The following GNG4 variants were observed in gnomAD, a reference collection of about 807,000 sequenced individuals.
The protein encoded by GNG4 is guanine nucleotide-binding protein G(I)/G(S)/G(O) subunit gamma-4.
GNG4 carries 4 observed loss-of-function variants against 5.8 expected under a neutral mutation model. The observed-to-expected ratio is 0.69, with a 90% confidence interval of 0.34 to 1.57. GNG4 has a LOEUF of 1.57. Ranked by LOEUF, GNG4 falls within the 40% of genes most tolerant of loss-of-function variation. The probability of loss-of-function intolerance (pLI) is 0.06; values close to 1 mark genes in which losing one functional copy is unlikely to be tolerated. For missense variants in GNG4, 96 were observed against 95.1 expected (o/e 1.01, Z -0.04); for synonymous variants, 29 against 32.9 (o/e 0.88, Z 0.41).
In GNG4 at chr1:235,552,131, T is replaced by A; in HGVS notation, c.206A>T (p.Lys69Met). The part of the protein sequence containing the change: ...PASENPFREK[K>M]FFCTIL Reference sequence around the variant, plus strand: ...GAGTTAGAGAATGGTACAAAAGAACTTCTTCTCGCGAAAGGGGTTTTCTGA... The same window carrying A: ...GAGTTAGAGAATGGTACAAAAGAACATCTTCTCGCGAAAGGGGTTTTCTGA... The change falls in exon 4 of 4, where the codon AAG becomes ATG. Residue 69 changes from lysine to methionine, a missense_variant. Transcript: ENST00000391854. The A allele has an allele frequency of 1.2e-6, 2 of 1,613,758 alleles. No individual in the cohort carries two copies. Among genetic ancestry groups the A allele is most frequent in the Non-Finnish European group, 1.7e-6 (2 of 1,179,704 alleles).
intron 1 of GNG4, among the ~76,000 whole-genome samples, chr1:235,643,029 A>G (rs925228314): frequency 6.6e-6 from 1 of 152,000 alleles, no homozygotes; most frequent in Non-Finnish European, 1.5e-5. Flanking sequence ...ACCCCGACTG[A>G]CGCTGGGGCC....
At chr1:235,607,672 A>G (rs1171524393) in intron 1 of GNG4, among the ~76,000 whole-genome samples, 1 of 150,562 alleles carries the variant, frequency 6.6e-6, no homozygotes, top group Non-Finnish European at 1.5e-5. Flanking sequence ...GCCCAGCCTG[A>G]CTCCCTTTCA....
At chr1:235,611,948 C>G (rs977203181) in intron 1 of GNG4, among the ~76,000 whole-genome samples, 6 of 151,342 alleles carry the variant, frequency 4.0e-5, no homozygotes, top group Non-Finnish European at 7.4e-5. Context: ...CTTGTAGTCC[C>G]AGATACTCAG....
intron 2 of GNG4, among the ~76,000 whole-genome samples, chr1:235,591,179 C>T (rs886914150): frequency 1.3e-5 from 2 of 152,204 alleles, no homozygotes; most frequent in African/African-American, 4.8e-5. Flanking sequence ...CAGCGCTCCT[C>T]AGCAGGAGTG....
At position 235,547,718 on chromosome 1, in the gene GNG4, T is replaced by C. The variant is rs1686617321; in HGVS notation, c.*4391A>G. The C allele has an allele frequency of 6.6e-6, 1 of 152,062 alleles. No individual in the cohort carries two copies. The highest frequency in any genetic ancestry group is 1.5e-5 in the Non-Finnish European group (1 of 68,016). The allele number at this position is 152,062 out of a possible 1,614,324, so 9.4% of individuals were successfully genotyped here. On this transcript the variant is annotated 3_prime_UTR_variant, in exon 4 of 4. Coordinates refer to ENST00000391854, the MANE Select transcript of GNG4 (RefSeq NM_001098722.2). ...CACAAAGCCCAACTTTTTATTGAAGTATAACATACACACAGAAAAGTGCCC... is the reference window on the plus strand; with the variant it reads ...CACAAAGCCCAACTTTTTATTGAAGCATAACATACACACAGAAAAGTGCCC...
Position 235,649,024 on chromosome 1 carries a change from C to T in GNG4, c.-123+638G>A, listed in dbSNP as rs779148650. Among the ~76,000 whole-genome samples, 1 of 152,166 alleles carries T rather than the reference C, an allele frequency of 6.6e-6. No homozygotes were observed. On this transcript the variant is annotated intron_variant, in intron 1 of 3. Coordinates refer to ENST00000391854, the MANE Select transcript of GNG4 (RefSeq NM_001098722.2). This position sits in a 1 kb window ranked among gnomAD's most constrained non-coding sequence, Gnocchi z 5.7. ...TAAAAAATCAAGCCAAACAAAGCTC[C>T]CCGGTTGCTGCCGGGCGCGCGCGGC...
intron 1 of GNG4, among the ~76,000 whole-genome samples, chr1:235,640,465 C>A (rs1249668396): frequency 6.6e-6 from 1 of 152,206 alleles, no homozygotes; most frequent in Non-Finnish European, 1.5e-5. Flanking sequence ...GTTTGAGAAC[C>A]ACTGCTGCAT....
At chr1:235,601,198 G>A (rs1688250831) in intron 1 of GNG4, among the ~76,000 whole-genome samples, 1 of 152,188 alleles carries the variant, frequency 6.6e-6, no homozygotes, top group Non-Finnish European at 1.5e-5. Flanking sequence ...TATGGGATAG[G>A]CTGGTGGGCT....
intron 1 of GNG4, among the ~76,000 whole-genome samples, chr1:235,609,540 A>T (rs1008101827): frequency 8.6e-5 from 13 of 151,322 alleles, no homozygotes; most frequent in Non-Finnish European, 1.6e-4. Flanking sequence ...CATTTACTTT[A>T]AAAAAAAAGT....
At chr1:235,636,998 A>G (rs1270632606) in intron 1 of GNG4, among the ~76,000 whole-genome samples, 1 of 151,034 alleles carries the variant, frequency 6.6e-6, no homozygotes, top group Non-Finnish European at 1.5e-5. Context: ...AAGAATGGGG[A>G]TAAAGATCCC....
intron 1 of GNG4, chr1:235,616,189 C>T (rs1688586034): frequency 1.9e-6 from 1 of 522,868 alleles, no homozygotes; most frequent in Admixed American, 2.0e-5. Context: ...GCAGCCACTT[C>T]TCTGCCAACT....
intron 2 of GNG4, 128 bp from the exon 3 acceptor site, chr1:235,583,976 A>G: frequency 1.9e-6 from 1 of 524,632 alleles, no homozygotes; most frequent in South Asian, 3.2e-5. Context: ...AGCATTTGGT[A>G]GAAAACCCTC....
At chr1:235,620,676 C>A (rs1280898772) in intron 1 of GNG4, among the ~76,000 whole-genome samples, 1 of 152,136 alleles carries the variant, frequency 6.6e-6, no homozygotes, top group African/African-American at 2.4e-5. Context: ...GCTGGGACTA[C>A]AGGTGCCCGC....
intron 2 of GNG4, among the ~76,000 whole-genome samples, chr1:235,593,284 C>A (rs910659323): frequency 1.7e-4 from 26 of 152,166 alleles, no homozygotes; most frequent in African/African-American, 5.8e-4. Flanking sequence ...CATCTTGCAG[C>A]ACACAACTCA....
intron 1 of GNG4, among the ~76,000 whole-genome samples, chr1:235,629,551 A>G (rs1688891577): frequency 6.6e-6 from 1 of 150,926 alleles, no homozygotes; most frequent in African/African-American, 2.4e-5. Flanking sequence ...TCAAGGGTTC[A>G]TTCTGAGGCT....
At chr1:235,616,138 C>T (rs943065261) in intron 1 of GNG4, 19 of 489,170 alleles carry the variant, frequency 3.9e-5, no homozygotes, top group African/African-American at 7.8e-5. Flanking sequence ...AACCCCCTTC[C>T]GCCTGCTGCT....
chr1:235,641,453 G>A lies in GNG4; in HGVS notation c.-123+8209C>T, dbSNP rs549691778. Among the ~76,000 whole-genome samples the A allele has an allele frequency of 1.2e-4, 18 of 152,286 alleles. No homozygotes were observed. In the South Asian group the frequency reaches 3.7e-3, roughly 32 times the overall value. ...CGCCCGTAATCCCAGCACTTTGGGAGGCCGAGGCAGGCGGATCACCTGAGG... is the reference window on the plus strand; with the variant it reads ...CGCCCGTAATCCCAGCACTTTGGGAAGCCGAGGCAGGCGGATCACCTGAGG... On this transcript the variant is annotated intron_variant, in intron 1 of 3. Transcript: ENST00000391854.
At chr1:235,618,434 T>C (rs934628133) in intron 1 of GNG4, among the ~76,000 whole-genome samples, 1 of 152,218 alleles carries the variant, frequency 6.6e-6, no homozygotes, top group African/African-American at 2.4e-5. Context: ...CTCAGAACTC[T>C]GGCTTCAAGG....
At chr1:235,643,543 T>C (rs1657400911) in intron 1 of GNG4, among the ~76,000 whole-genome samples, 1 of 152,208 alleles carries the variant, frequency 6.6e-6, no homozygotes, top group Admixed American at 6.5e-5. Flanking sequence ...CTGATGCATA[T>C]ATTTATTGCA....
Sources: gnomAD v4.1 joint callset for allele counts (sites outside exome capture counted in the v4.1 genomes callset) on GRCh38, gnomAD v4.1.1 for gene constraint, Gnocchi (gnomAD v3.1) non-coding constraint, MANE v1.5 for transcripts, NCBI Gene and HGNC (gene_info 2026-07-23, HGNC 2026-07-21) for gene names.